Variants in FXR1 observed in about 807,000 individuals in gnomAD.
FXR1 encodes FMR1 autosomal homolog 1.
FXR1 carries 15 observed loss-of-function variants against 84.0 expected under a neutral mutation model. That is an observed-to-expected ratio of 0.18 (90% CI 0.12 to 0.27). The LOEUF (loss-of-function observed/expected upper bound fraction) is 0.27, where lower values mean the gene tolerates loss of function less well. Ranked by LOEUF, FXR1 falls within the 10% of genes least tolerant of loss-of-function variation. The pLI is 1.00. For synonymous variants in FXR1, 245 were observed against 250.7 expected (o/e 0.98, Z 0.21); for missense variants, 480 against 774.4 (o/e 0.62, Z 4.51).
chr3:180,941,522 TTACTC>T (rs1386847452), intron 3 of FXR1, among the ~76,000 whole-genome samples: 3 of 152,308 alleles, frequency 2.0e-5, no homozygotes, highest in Non-Finnish European at 4.4e-5. Flanking sequence ...CATGGATTAT[TTACTC>T]TACTTTTTAA....
chr3:180,975,811 T>C (rs1714170555), intron 16 of FXR1, among the ~76,000 whole-genome samples: 1 of 152,224 alleles, frequency 6.6e-6, no homozygotes, highest in Non-Finnish European at 1.5e-5. Context: ...ATTATTTGTT[T>C]AATATTAACT....
At chr3:180,938,417 A>G (rs1805590) in intron 3 of FXR1, among the ~76,000 whole-genome samples, 4,630 of 152,312 alleles carry the variant, frequency 0.03, 239 homozygotes, top group African/African-American at 0.11. Flanking sequence ...TCCTTAATGA[A>G]TAGTAGTATG....
Position 180,948,435 on chromosome 3 carries a change from C to G in FXR1, c.359C>G (p.Thr120Ser). The G allele has an allele frequency of 6.2e-7, 1 of 1,609,000 alleles. No homozygotes were observed. Among genetic ancestry groups the G allele is most frequent in the Non-Finnish European group, 8.5e-7 (1 of 1,175,580 alleles). The change falls in exon 5 of 17, where the codon ACT becomes AGT. Residue 120 changes from threonine to serine, a missense_variant. By Grantham distance (58) the Thr-to-Ser change is moderately conservative. Coordinates refer to ENST00000357559, the MANE Select transcript of FXR1 (RefSeq NM_005087.4). ...ERLRPVNQNK[T>S]VKKNTFFKCT... is the part of the protein sequence containing the mutation. Reference sequence around the variant, plus strand: ...CTTCGGCCTGTCAATCAAAATAAAACTGTCAAAAAAAATACCTTCTTTAAA... The same window carrying G: ...CTTCGGCCTGTCAATCAAAATAAAAGTGTCAAAAAAAATACCTTCTTTAAA...
At chr3:180,913,689 C>T (rs936043797) in intron 1 of FXR1, among the ~76,000 whole-genome samples, 9 of 152,108 alleles carry the variant, frequency 5.9e-5, no homozygotes, top group African/African-American at 9.7e-5. Context: ...TTTTTTGCCA[C>T]TATAGCGTTC....
intron 1 of FXR1, among the ~76,000 whole-genome samples, chr3:180,914,461 TAA>T (rs1485174782): frequency 8.5e-5 from 13 of 152,128 alleles, no homozygotes; most frequent in African/African-American, 3.1e-4. Context: ...TTGGAAAAAA[TAA>T]AGTGATTATT....
At chr3:180,949,619 A>C (rs1004471190) in intron 7 of FXR1, among the ~76,000 whole-genome samples, 1 of 152,186 alleles carries the variant, frequency 6.6e-6, no homozygotes, top group African/African-American at 2.4e-5. Context: ...TCCTGGGCTC[A>C]AGTGATTGCC....
chr3:180,928,944 CAG>C (rs1491319646), intron 1 of FXR1, among the ~76,000 whole-genome samples: 7 of 151,304 alleles, frequency 4.6e-5, no homozygotes, highest in African/African-American at 1.5e-4. Context: ...TTTTTTTAGA[CAG>C]AGTTTCACTC....
Position 180,912,712 on chromosome 3 carries a change from C to G in FXR1, c.27C>G (p.Arg9=), listed in dbSNP as rs1805578. The change falls in exon 1 of 17, where the codon CGC becomes CGG. Residue 9 remains arginine, a synonymous_variant. Coordinates refer to ENST00000357559, the MANE Select transcript of FXR1 (RefSeq NM_005087.4). ...TGGCGGAGCTGACGGTGGAGGTTCG[C>G]GGCTCTAACGGGGCTTTCTACAAGG... MAELTVEV[R]GSNGAFYKGF... 1.9e-6 allele frequency: 3 copies of G among 1,613,838 alleles called. No homozygotes were observed. Among genetic ancestry groups the G allele is most frequent in the Non-Finnish European group, 2.5e-6 (3 of 1,179,930 alleles).
chr3:180,917,508 A>G (rs535623999), intron 1 of FXR1, among the ~76,000 whole-genome samples: 4 of 152,318 alleles, frequency 2.6e-5, no homozygotes, highest in Non-Finnish European at 4.4e-5. Flanking sequence ...TTTTCATTAA[A>G]ATGCTAAGTA....
At chr3:180,943,351 C>A (rs577612383) in intron 3 of FXR1, among the ~76,000 whole-genome samples, 2 of 147,282 alleles carry the variant, frequency 1.4e-5, no homozygotes, top group Non-Finnish European at 3.0e-5. Flanking sequence ...CTTGGCTCAC[C>A]TCCCAGGTTC....
chr3:180,951,082 G>C (rs1366549149), intron 7 of FXR1, among the ~76,000 whole-genome samples: 6 of 151,968 alleles, frequency 3.9e-5, no homozygotes, highest in Non-Finnish European at 7.4e-5. Flanking sequence ...AATTAGCTGG[G>C]CTCAGTGGTG....
At chr3:180,922,722 C>A (rs777554867) in intron 1 of FXR1, among the ~76,000 whole-genome samples, 41 of 152,166 alleles carry the variant, frequency 2.7e-4, no homozygotes, top group Non-Finnish European at 5.3e-4. Flanking sequence ...AAGCGATCCT[C>A]CTGCCTCAGC....
At chr3:180,912,822 T>TG (rs937764335) in intron 1 of FXR1, 86 bp downstream of exon 1, 2 of 1,605,596 alleles carry the variant, frequency 1.2e-6, no homozygotes, top group East Asian at 2.2e-5. Context: ...GAGTGAGGTT[T>TG]GGGGTCGGAA....
intron 1 of FXR1, among the ~76,000 whole-genome samples, chr3:180,916,638 C>T (rs996612172): frequency 1.1e-4 from 17 of 152,148 alleles, no homozygotes; most frequent in Admixed American, 3.3e-4. Flanking sequence ...GAACTCCTGA[C>T]GTCAAATGAT....
intron 1 of FXR1, among the ~76,000 whole-genome samples, chr3:180,922,644 A>T (rs1718716707): frequency 6.6e-6 from 1 of 152,160 alleles, no homozygotes; most frequent in African/African-American, 2.4e-5. Context: ...AATAAATAAT[A>T]CTGTGTCACC....
intron 3 of FXR1, among the ~76,000 whole-genome samples, chr3:180,939,154 A>C (rs967846602): frequency 5.9e-5 from 9 of 152,086 alleles, no homozygotes; most frequent in Non-Finnish European, 1.2e-4. Flanking sequence ...TCGGCCTCCC[A>C]AAGTGCTGAG....
intron 3 of FXR1, among the ~76,000 whole-genome samples, chr3:180,938,069 C>T (rs182862686): frequency 6.6e-6 from 1 of 152,038 alleles, no homozygotes; most frequent in East Asian, 1.9e-4. Flanking sequence ...TTAAATTTAC[C>T]TCATTTTTTG....
At chr3:180,967,538 A>G (rs2108490149) in intron 13 of FXR1, among the ~76,000 whole-genome samples, 1 of 151,530 alleles carries the variant, frequency 6.6e-6, no homozygotes, top group Non-Finnish European at 1.5e-5. Context: ...TACTAAGTAC[A>G]TTCTAATATT....
At chr3:180,959,261 ATGT>A (rs1042270176) in intron 10 of FXR1, among the ~76,000 whole-genome samples, 3 of 151,338 alleles carry the variant, frequency 2.0e-5, no homozygotes, top group East Asian at 3.9e-4. Flanking sequence ...TTCTTCCCAC[ATGT>A]TGATGATGTT....
Sources: gnomAD v4.1 joint callset for allele counts (sites outside exome capture counted in the v4.1 genomes callset) on GRCh38, gnomAD v4.1.1 for gene constraint, MANE v1.5 for transcripts, NCBI Gene and HGNC (gene_info 2026-07-23, HGNC 2026-07-21) for gene names.